PACSIN2: variants seen among roughly 807,000 people sequenced by gnomAD.
PACSIN2 encodes protein kinase C and casein kinase substrate in neurons 2.
PACSIN2 carries 25 observed loss-of-function variants against 63.8 expected under a neutral mutation model. That is an observed-to-expected ratio of 0.39 (90% confidence interval 0.29 to 0.55). The LOEUF (loss-of-function observed/expected upper bound fraction) is 0.55. PACSIN2 is among the 20% of genes least tolerant of loss of function. PACSIN2 has a pLI of 0.62. For missense variants in PACSIN2, 518 were observed against 646.9 expected (o/e 0.80, Z 2.16); for synonymous variants, 255 against 256.2 (o/e 1.00, Z 0.05).
At chr22:42,876,459 C>G in intron 9 of PACSIN2, 126 bp from the exon 10 acceptor site, 1 of 712,732 alleles carries the variant, frequency 1.4e-6, no homozygotes, top group Non-Finnish European at 2.3e-6. Context: ...CGAAGGAGCA[C>G]AGGTGGAGCC....
At chr22:42,899,197 T>C (rs893177483) in intron 2 of PACSIN2, among the ~76,000 whole-genome samples, 1 of 152,198 alleles carries the variant, frequency 6.6e-6, no homozygotes, top group Non-Finnish European at 1.5e-5. Flanking sequence ...AGGCACCCCA[T>C]ACAAATGTGA....
At chr22:42,921,832 G>C (rs888936123) in intron 1 of PACSIN2, among the ~76,000 whole-genome samples, 2 of 151,464 alleles carry the variant, frequency 1.3e-5, no homozygotes, top group African/African-American at 4.9e-5. Flanking sequence ...TCCGTCTCCC[G>C]GGTTCAGGCG....
chr22:42,929,300 C>T (rs1010320178), intron 1 of PACSIN2, among the ~76,000 whole-genome samples: 1 of 152,244 alleles, frequency 6.6e-6, no homozygotes, highest in Non-Finnish European at 1.5e-5. Flanking sequence ...CTCATCTATG[C>T]TACAAGTCCT....
chr22:43,010,396 A>ATTTTTTT (rs911611355), intron 1 of PACSIN2, among the ~76,000 whole-genome samples: 6 of 62,680 alleles, frequency 9.6e-5, no homozygotes, highest in South Asian at 5.4e-4. Flanking sequence ...ATATATATAT[A>ATTTTTTT]TATTTTTTTT....
chr22:42,985,582 G>A (rs1348294634), intron 1 of PACSIN2, among the ~76,000 whole-genome samples: 1 of 152,184 alleles, frequency 6.6e-6, no homozygotes, highest in African/African-American at 2.4e-5. Context: ...CAACCCCTGA[G>A]AAGGACCCAC....
chr22:43,007,373 G>A (rs4822248), intron 1 of PACSIN2, among the ~76,000 whole-genome samples: 92,583 of 151,758 alleles, frequency 0.61, 28,842 homozygotes, highest in East Asian at 0.8. Flanking sequence ...AAACCACCAC[G>A]CCCAGCTAAT....
intron 2 of PACSIN2, among the ~76,000 whole-genome samples, chr22:42,909,131 G>GC (rs763833026): frequency 1.6e-4 from 25 of 152,154 alleles, no homozygotes; most frequent in Non-Finnish European, 3.4e-4. Context: ...TCCAAGTGCA[G>GC]CAACGTCCAC....
chr22:42,921,688 A>G (rs1056665390), intron 1 of PACSIN2, among the ~76,000 whole-genome samples: 2 of 152,200 alleles, frequency 1.3e-5, no homozygotes, highest in African/African-American at 4.8e-5. Flanking sequence ...AAAAGGGAGC[A>G]ATCAGGAGCC....
At chr22:43,009,891 C>T (rs1216857087) in intron 1 of PACSIN2, among the ~76,000 whole-genome samples, 5 of 118,430 alleles carry the variant, frequency 4.2e-5, no homozygotes, top group African/African-American at 1.7e-4. Flanking sequence ...TTTTTTGAGA[C>T]AGAGTCTTGC....
chr22:42,885,372 G>C (rs1196655639), intron 5 of PACSIN2, among the ~76,000 whole-genome samples: 1 of 152,120 alleles, frequency 6.6e-6, no homozygotes, highest in Non-Finnish European at 1.5e-5. Flanking sequence ...TCATGGTCGT[G>C]TTGTCCCCCT....
rs1472046559 is a variant in PACSIN2 at position 42,871,564 on chromosome 22, G to C, written c.1349-95C>G. ...ACGAGCTTTGAGCCCACAGAGGGTG[G>C]AGGGCCAGGCATTCTGTGGCGGGCA... On this transcript the variant is annotated intron_variant, in intron 10 of 10. Transcript: ENST00000263246. This position sits in a 1 kb window ranked among gnomAD's most constrained non-coding sequence, Gnocchi z 5.4. 1 of 956,138 alleles carries C rather than the reference G, an allele frequency of 1.0e-6. No homozygotes were observed. Among genetic ancestry groups the C allele is most frequent in the East Asian group, 2.4e-5 (1 of 41,034 alleles). 59.2% of individuals were successfully genotyped at this position (956,138 alleles called of 1,614,324 possible). A position where few individuals can be genotyped will look rare whatever the true frequency, so the allele number is the denominator to read the frequency against.
chr22:42,949,456 A>ACG (rs535326274), intron 1 of PACSIN2, among the ~76,000 whole-genome samples: 4,971 of 148,890 alleles, frequency 0.033, 271 homozygotes, highest in African/African-American at 0.13. Context: ...TCATACACAC[A>ACG]CGCGCGCGCA....
intron 1 of PACSIN2, among the ~76,000 whole-genome samples, chr22:42,987,661 A>G (rs1922730879): frequency 6.6e-6 from 1 of 150,422 alleles, no homozygotes. Flanking sequence ...CGTCCCAAGT[A>G]GCTGGGACTA....
At chr22:42,982,887 A>AAAAAAAC (rs200348918) in intron 1 of PACSIN2, among the ~76,000 whole-genome samples, 35 of 129,496 alleles carry the variant, frequency 2.7e-4, no homozygotes, top group South Asian at 5.1e-4. Context: ...AAAAAAAAAA[A>AAAAAAAC]AAACAACAAC....
rs1252040629 is a variant in PACSIN2 at position 42,982,869 on chromosome 22, T to TAAAAAAAAAAAAAAAA, written c.-78+32136_-78+32151dup. Among the ~76,000 whole-genome samples, 68 of 43,882 alleles carry TAAAAAAAAAAAAAAAA rather than the reference T, an allele frequency of 1.5e-3. 1 individual carries two copies. Among genetic ancestry groups the TAAAAAAAAAAAAAAAA allele is most frequent in the Admixed American group, 2.1e-3 (6 of 2,826 alleles). The allele number at this position is 43,882 out of a possible 152,430, so 28.8% of individuals were successfully genotyped here. On this transcript the variant is annotated intron_variant, in intron 1 of 10. Coordinates refer to ENST00000263246, the MANE Select transcript of PACSIN2 (RefSeq NM_001184970.3). ...GCGAGAAACACCAAAGAATGATCAA[T>TAAAAAAAAAAAAAAAA]AAAAAAAAAAAAAAAAAAAAACAAC...
At chr22:42,914,933 A>G (rs1253938145) in intron 1 of PACSIN2, among the ~76,000 whole-genome samples, 1 of 152,178 alleles carries the variant, frequency 6.6e-6, no homozygotes, top group Non-Finnish European at 1.5e-5. Flanking sequence ...ATGATCACAC[A>G]GCTCACTGCA....
chr22:42,981,047 C>T (rs1922070364), intron 1 of PACSIN2, among the ~76,000 whole-genome samples: 2 of 148,330 alleles, frequency 1.3e-5, no homozygotes, highest in Admixed American at 1.3e-4. Context: ...AGGAGCGCCT[C>T]TTCCCCGCCG....
intron 1 of PACSIN2, among the ~76,000 whole-genome samples, chr22:42,998,278 T>A (rs1923546878): frequency 6.6e-6 from 1 of 152,220 alleles, no homozygotes; most frequent in Non-Finnish European, 1.5e-5. Flanking sequence ...GAACCTTCTT[T>A]GCTGCTGCAG....
intron 5 of PACSIN2, among the ~76,000 whole-genome samples, chr22:42,886,251 G>A (rs1929465147): frequency 6.6e-6 from 1 of 152,222 alleles, no homozygotes; most frequent in Non-Finnish European, 1.5e-5. Flanking sequence ...AGTTCTCAGC[G>A]AACACCCATG....
Sources: allele counts gnomAD v4.1 joint callset (sites outside exome capture counted in the v4.1 genomes callset), GRCh38; gene constraint gnomAD v4.1.1; non-coding constraint Gnocchi (gnomAD v3.1); transcripts MANE v1.5; gene names NCBI Gene and HGNC (gene_info 2026-07-23, HGNC 2026-07-21).